HTRA3: variants seen among roughly 807,000 people sequenced by gnomAD.
HTRA3 encodes the protein serine protease HTRA3.
A neutral mutation model predicts 43.2 loss-of-function variants in HTRA3; 41 were observed. That is an observed-to-expected ratio of 0.95 (90% CI 0.74 to 1.23). The LOEUF (loss-of-function observed/expected upper bound fraction) is 1.23. HTRA3 is among the 50% of genes most tolerant of loss of function. The pLI, the probability that HTRA3 is intolerant of heterozygous loss-of-function variation, is 0.00. For synonymous variants in HTRA3, 295 were observed against 287.9 expected, an observed-to-expected ratio of 1.02 and a Z score of -0.25; for missense variants, 628 against 647.1, an observed-to-expected ratio of 0.97 and a Z score of 0.32.
At chr4:8,293,670 T>G (rs1713329921) in intron 5 of HTRA3, among the ~76,000 whole-genome samples, 1 of 151,962 alleles carries the variant, frequency 6.6e-6, no homozygotes, top group Non-Finnish European at 1.5e-5. Context: ...GCTCCCCTGG[T>G]CCCACCTGCC....
At chr4:8,292,928 A>T (rs1378381773) in intron 5 of HTRA3, among the ~76,000 whole-genome samples, 1 of 152,210 alleles carries the variant, frequency 6.6e-6, no homozygotes, top group East Asian at 1.9e-4. Flanking sequence ...GACGCTGGGC[A>T]GGAAGACCTG....
chr4:8,299,324 A>G (rs1032797610), intron 6 of HTRA3, among the ~76,000 whole-genome samples: 1 of 152,172 alleles, frequency 6.6e-6, no homozygotes, highest in African/African-American at 2.4e-5. Flanking sequence ...TGATTTTTGG[A>G]TGTTCACCAT....
rs1029996847 is a variant in HTRA3 at position 8,306,223 on chromosome 4, C to A, written c.*87C>A. ...CGAGATCAGGACGAAGGACCACCGT[C>A]GGTCCTCAGCAGGGCGGCAGCCTCC... On this transcript the variant is annotated 3_prime_UTR_variant, in exon 9 of 9. Coordinates refer to ENST00000307358, the MANE Select transcript of HTRA3 (RefSeq NM_053044.5). The surrounding 1 kb of genome is among the most constrained non-coding windows in gnomAD (Gnocchi z 8.9). The A allele has an allele frequency of 7.2e-7, 1 of 1,382,238 alleles. No homozygotes were observed. Among genetic ancestry groups the A allele is most frequent in the Non-Finnish European group, 9.6e-7 (1 of 1,038,058 alleles). 85.6% of individuals were successfully genotyped at this position (1,382,238 alleles called of 1,614,324 possible). A position where few individuals can be genotyped will look rare whatever the true frequency, so the allele number is the denominator to read the frequency against.
chr4:8,294,041 T>G (rs1295212345), intron 5 of HTRA3, 46 bp from the exon 6 acceptor site: 1 of 1,339,340 alleles, frequency 7.5e-7, no homozygotes, highest in Non-Finnish European at 1.0e-6. Context: ...GGCAGGGGTT[T>G]GCCTGGGTTC....
At chr4:8,274,905 C>T (rs1009273598) in intron 1 of HTRA3, among the ~76,000 whole-genome samples, 41 of 152,264 alleles carry the variant, frequency 2.7e-4, no homozygotes, top group East Asian at 7.7e-4. Flanking sequence ...TGGCATCTCC[C>T]GGTTGTATTT....
At chr4:8,275,319 G>A (rs1244212022) in intron 1 of HTRA3, among the ~76,000 whole-genome samples, 3 of 152,164 alleles carry the variant, frequency 2.0e-5, no homozygotes, top group South Asian at 2.1e-4. Flanking sequence ...GGGACTTGGC[G>A]AGACCCGGAC....
intron 3 of HTRA3, among the ~76,000 whole-genome samples, chr4:8,288,153 T>C (rs1017872438): frequency 1.3e-5 from 2 of 152,240 alleles, no homozygotes; most frequent in African/African-American, 4.8e-5. Flanking sequence ...GTTCCCCTAA[T>C]GGGGACCCTT....
chr4:8,296,106 T>C lies in HTRA3; in HGVS notation c.1051+1905T>C, dbSNP rs1235248154. ...TGGGTGCCTTTGACTTTGGCCTCCT[T>C]ACTGGAAATTAGCGGAGCTGCTGTT... On this transcript the variant is annotated intron_variant, in intron 6 of 8. Transcript: ENST00000307358. The surrounding 1 kb of genome is among the most constrained non-coding windows in gnomAD (Gnocchi z 5.3). 1.6e-5 allele frequency: 16 copies of C among 1,012,402 alleles called. No individual in the cohort carries two copies. The highest frequency in any genetic ancestry group is 1.0e-4 in the African/African-American group (6 of 58,358). 62.7% of individuals were successfully genotyped at this position (1,012,402 alleles called of 1,614,324 possible). A position where few individuals can be genotyped will look rare whatever the true frequency, so the allele number is the denominator to read the frequency against.
At position 8,286,847 on chromosome 4, in the gene HTRA3, C is replaced by T. The variant is rs935054934; in HGVS notation, c.708+64C>T. On this transcript the variant is annotated intron_variant, in intron 3 of 8. Transcript: ENST00000307358. The surrounding 1 kb of genome is among the most constrained non-coding windows in gnomAD (Gnocchi z 4.9). ...CTGGGCATGGTGGCCTCTTCCCAGA[C>T]GCCGGAACCCAGAGGCAAGCTAGCC... 34 of 1,294,226 alleles carry T rather than the reference C, an allele frequency of 2.6e-5. No individual in the cohort carries two copies. The highest frequency in any genetic ancestry group is 8.0e-5 in the Admixed American group (4 of 49,740). 80.2% of individuals were successfully genotyped at this position (1,294,226 alleles called of 1,614,324 possible). A position where few individuals can be genotyped will look rare whatever the true frequency, so the allele number is the denominator to read the frequency against.
intron 1 of HTRA3, among the ~76,000 whole-genome samples, chr4:8,270,910 C>T (rs573735051): frequency 1.1e-4 from 17 of 152,316 alleles, no homozygotes; most frequent in African/African-American, 4.1e-4. Flanking sequence ...TCCCTTGAGG[C>T]AGTCGGCTCT....
At chr4:8,283,821 C>A (rs1712852316) in intron 2 of HTRA3, among the ~76,000 whole-genome samples, 1 of 152,186 alleles carries the variant, frequency 6.6e-6, no homozygotes, top group Non-Finnish European at 1.5e-5. Context: ...GCTCCACTGC[C>A]CTAGGCCCGG....
chr4:8,303,731 A>G (rs1337226870), intron 7 of HTRA3, among the ~76,000 whole-genome samples: 1 of 151,220 alleles, frequency 6.6e-6, no homozygotes, highest in Non-Finnish European at 1.5e-5. Context: ...TGTCTGTTCC[A>G]TGACTCAGCA....
intron 1 of HTRA3, among the ~76,000 whole-genome samples, chr4:8,274,943 T>G (rs184347995): frequency 3.9e-5 from 6 of 152,296 alleles, no homozygotes; most frequent in Middle Eastern, 3.4e-3. Context: ...GGCTTTTGAT[T>G]TGTAATCCTC....
At chr4:8,273,377 A>G (rs13115162) in intron 1 of HTRA3, among the ~76,000 whole-genome samples, 113,338 of 152,048 alleles carry the variant, frequency 0.75, 42,854 homozygotes, top group Middle Eastern at 0.85. Context: ...GCTGCCGGGC[A>G]TTTCTGGGAG....
At chr4:8,293,651 G>A (rs1429381359) in intron 5 of HTRA3, among the ~76,000 whole-genome samples, 2 of 152,052 alleles carry the variant, frequency 1.3e-5, no homozygotes, top group South Asian at 2.1e-4. Flanking sequence ...GGGATGGGGG[G>A]GTCAAGGAGC....
Position 8,297,289 on chromosome 4 carries a change from C to A in HTRA3, c.1051+3088C>A, listed in dbSNP as rs1713488464. On this transcript the variant is annotated intron_variant, in intron 6 of 8. Transcript: ENST00000307358. The surrounding 1 kb of genome is among the most constrained non-coding windows in gnomAD (Gnocchi z 5.8). ...GTTCAAGGAGAAGAGGCTTCAGAGTCCCCTATCCTGAGCACAGTGAGTCGT... is the reference window on the plus strand; with the variant it reads ...GTTCAAGGAGAAGAGGCTTCAGAGTACCCTATCCTGAGCACAGTGAGTCGT... Among the ~76,000 whole-genome samples the A allele has an allele frequency of 6.6e-6, 1 of 151,930 alleles. No individual in the cohort carries two copies. The highest frequency in any genetic ancestry group is 2.1e-4 in the South Asian group (1 of 4,824).
chr4:8,278,679 C>A (rs1318870773), intron 1 of HTRA3, among the ~76,000 whole-genome samples: 1 of 152,186 alleles, frequency 6.6e-6, no homozygotes, highest in Non-Finnish European at 1.5e-5. Context: ...CTTAAAGGGA[C>A]AGGACCTGGT....
chr4:8,281,037 G>C (rs138647870), intron 1 of HTRA3, among the ~76,000 whole-genome samples: 1,765 of 152,324 alleles, frequency 0.012, 16 homozygotes, highest in Non-Finnish European at 0.017. Flanking sequence ...TGGGCAGGGG[G>C]GTTCTTCTTA....
At chr4:8,273,112 C>T (rs370725559) in intron 1 of HTRA3, among the ~76,000 whole-genome samples, 13 of 152,342 alleles carry the variant, frequency 8.5e-5, no homozygotes, top group Admixed American at 5.9e-4. Flanking sequence ...TCTGAGGTCA[C>T]ATGGTCAGGA....
Sources: gnomAD v4.1 joint callset for allele counts (sites outside exome capture counted in the v4.1 genomes callset) on GRCh38, gnomAD v4.1.1 for gene constraint, Gnocchi (gnomAD v3.1) non-coding constraint, MANE v1.5 for transcripts, NCBI Gene and HGNC (gene_info 2026-07-23, HGNC 2026-07-21) for gene names.